KCNJ3: variants seen among roughly 807,000 people sequenced by gnomAD.
The protein encoded by KCNJ3 is G protein-activated inward rectifier potassium channel 1.
In KCNJ3, 4 loss-of-function variants were observed where a neutral mutation model predicts 39.2. The ratio of observed to expected loss-of-function variants is 0.10; its 90% CI spans 0.05 to 0.23. The LOEUF (loss-of-function observed/expected upper bound fraction) is 0.23. Ranked by LOEUF, KCNJ3 falls within the 10% of genes least tolerant of loss-of-function variation. The pLI is 1.00. For synonymous variants in KCNJ3, 230 were observed against 237.4 expected (o/e 0.97, Z 0.29); for missense variants, 276 against 634.9 (o/e 0.43, Z 6.08).
At chr2:154,848,548 T>C (rs1411351267) in intron 2 of KCNJ3, among the ~76,000 whole-genome samples, 1 of 152,194 alleles carries the variant, frequency 6.6e-6, no homozygotes, top group Non-Finnish European at 1.5e-5. Flanking sequence ...AAAAGTTCAC[T>C]CATCAATTGG....
intron 2 of KCNJ3, among the ~76,000 whole-genome samples, chr2:154,805,190 G>T (rs1167774018): frequency 6.6e-6 from 1 of 151,992 alleles, no homozygotes; most frequent in Non-Finnish European, 1.5e-5. Context: ...AAAAAAACAG[G>T]TTTTTTTCTG....
At chr2:154,775,603 CAAAT>C (rs1382683874) in intron 2 of KCNJ3, among the ~76,000 whole-genome samples, 3 of 152,068 alleles carry the variant, frequency 2.0e-5, no homozygotes, top group African/African-American at 7.2e-5. Context: ...ATAAAAAAAT[CAAAT>C]AATACCATTT....
chr2:154,771,303 G>A (rs1019286308), intron 2 of KCNJ3, among the ~76,000 whole-genome samples: 1 of 152,198 alleles, frequency 6.6e-6, no homozygotes, highest in African/African-American at 2.4e-5. Context: ...AATCAATGAT[G>A]TTGGGACAAG....
intron 2 of KCNJ3, among the ~76,000 whole-genome samples, chr2:154,849,429 T>C (rs1276421737): frequency 6.6e-6 from 1 of 152,098 alleles, no homozygotes; most frequent in Non-Finnish European, 1.5e-5. Context: ...CTCTCTCCTG[T>C]CTCTTTTTTC....
At chr2:154,804,794 C>T (rs1686881942) in intron 2 of KCNJ3, among the ~76,000 whole-genome samples, 1 of 152,128 alleles carries the variant, frequency 6.6e-6, no homozygotes, top group African/African-American at 2.4e-5. Context: ...AGCTGAGTTC[C>T]CAACTGGAGG....
intron 1 of KCNJ3, among the ~76,000 whole-genome samples, chr2:154,706,301 T>C (rs1271799598): frequency 6.6e-6 from 1 of 152,118 alleles, no homozygotes; most frequent in Non-Finnish European, 1.5e-5. Context: ...AACAAATTGC[T>C]CTATCAGTGG....
chr2:154,706,351 A>C (rs1685009622), intron 1 of KCNJ3, among the ~76,000 whole-genome samples: 1 of 152,148 alleles, frequency 6.6e-6, no homozygotes, highest in Non-Finnish European at 1.5e-5. Flanking sequence ...GACACAATGA[A>C]GAAAGGTCAA....
At chr2:154,715,512 A>G (rs1685167462) in intron 2 of KCNJ3, among the ~76,000 whole-genome samples, 2 of 152,228 alleles carry the variant, frequency 1.3e-5, no homozygotes, top group South Asian at 4.1e-4. Flanking sequence ...ACTTTAATCC[A>G]TAGTTTTTCT....
At chr2:154,781,266 A>AT (rs1469397232) in intron 2 of KCNJ3, among the ~76,000 whole-genome samples, 3 of 152,310 alleles carry the variant, frequency 2.0e-5, no homozygotes, top group South Asian at 2.1e-4. Flanking sequence ...AAAATGATCT[A>AT]TTTTTTATAA....
At chr2:154,712,214 TAAC>T (rs1685111386) in intron 2 of KCNJ3, among the ~76,000 whole-genome samples, 2 of 152,166 alleles carry the variant, frequency 1.3e-5, no homozygotes, top group African/African-American at 4.8e-5. Context: ...CTGGTAAAAA[TAAC>T]AAAGACATTC....
chr2:154,739,861 A>G (rs1230478516), intron 2 of KCNJ3, among the ~76,000 whole-genome samples: 1 of 152,032 alleles, frequency 6.6e-6, no homozygotes, highest in Non-Finnish European at 1.5e-5. Flanking sequence ...CCTTTATTTC[A>G]CTATTTGGCA....
intron 2 of KCNJ3, among the ~76,000 whole-genome samples, chr2:154,735,253 CTTTT>C (rs1342313816): frequency 2.1e-5 from 3 of 140,934 alleles, no homozygotes; most frequent in Non-Finnish European, 4.6e-5. Flanking sequence ...TGCCTGGCTA[CTTTT>C]TTTTTTTTCT....
intron 1 of KCNJ3, among the ~76,000 whole-genome samples, chr2:154,707,556 A>G (rs1229396364): frequency 6.6e-6 from 1 of 152,122 alleles, no homozygotes; most frequent in Non-Finnish European, 1.5e-5. Flanking sequence ...AAATGTATGA[A>G]AAAGGAAGAC....
At chr2:154,813,172 T>G (rs533371848) in intron 2 of KCNJ3, among the ~76,000 whole-genome samples, 13 of 152,188 alleles carry the variant, frequency 8.5e-5, no homozygotes, top group Non-Finnish European at 1.3e-4. Flanking sequence ...GCCGATCACA[T>G]CTTTTTTTTC....
chr2:154,825,170 C>G (rs967919043), intron 2 of KCNJ3, among the ~76,000 whole-genome samples: 3 of 152,104 alleles, frequency 2.0e-5, no homozygotes, highest in Non-Finnish European at 2.9e-5. Context: ...GTCTTCCTCC[C>G]AACTTACCCT....
At chr2:154,744,643 G>A (rs75954013) in intron 2 of KCNJ3, among the ~76,000 whole-genome samples, 3,632 of 151,848 alleles carry the variant, frequency 0.024, 79 homozygotes, top group Non-Finnish European at 0.039. Context: ...TTAACGTTTA[G>A]ATGTCTGCAT....
At chr2:154,810,946 A>T (rs1686998834) in intron 2 of KCNJ3, among the ~76,000 whole-genome samples, 1 of 152,322 alleles carries the variant, frequency 6.6e-6, no homozygotes, top group East Asian at 1.9e-4. Flanking sequence ...TCCTTTTACT[A>T]TCCAAAGTTA....
At chr2:154,836,846 A>G (rs1687474117) in intron 2 of KCNJ3, among the ~76,000 whole-genome samples, 1 of 152,224 alleles carries the variant, frequency 6.6e-6, no homozygotes, top group African/African-American at 2.4e-5. Context: ...CCTGCAAGCA[A>G]ACAAAATGTA....
At chr2:154,818,123 T>C (rs1255475419) in intron 2 of KCNJ3, among the ~76,000 whole-genome samples, 2 of 152,146 alleles carry the variant, frequency 1.3e-5, no homozygotes, top group African/African-American at 4.8e-5. Flanking sequence ...CTTTATTATG[T>C]ATTAACTTAT....
Sources: allele counts gnomAD v4.1 joint callset (sites outside exome capture counted in the v4.1 genomes callset), GRCh38; gene constraint gnomAD v4.1.1; transcripts MANE v1.5; gene names NCBI Gene and HGNC (gene_info 2026-07-23, HGNC 2026-07-21).